PKIB: variants seen among roughly 807,000 people sequenced by gnomAD.
PKIB encodes the protein cAMP-dependent protein kinase inhibitor beta, also known as PKI-beta.
PKIB carries 2 observed loss-of-function variants against 4.5 expected under a neutral mutation model. The ratio of observed to expected loss-of-function variants is 0.44; its 90% CI spans 0.18 to 1.39. PKIB has a LOEUF of 1.39. PKIB is among the 40% of genes most tolerant of loss of function. PKIB has a pLI of 0.27. For synonymous variants in PKIB, 38 were observed against 36.0 expected (o/e 1.06, Z -0.20); for missense variants, 94 against 92.6 (o/e 1.02, Z -0.06).
At chr6:122,542,521 A>C (rs529066252) in intron 2 of PKIB, among the ~76,000 whole-genome samples, 9 of 152,006 alleles carry the variant, frequency 5.9e-5, no homozygotes, top group Non-Finnish European at 8.8e-5. Flanking sequence ...TGCGGTGACT[A>C]TAGAACAGTG....
At chr6:122,609,109 C>T (rs553059073), upstream of PKIB, among the ~76,000 whole-genome samples, 48 of 152,210 alleles carry the variant, frequency 3.2e-4, no homozygotes, top group Non-Finnish European at 3.4e-4. Context: ...TTTTATTAGG[C>T]GGGTGCAGAA....
At chr6:122,568,356 C>T (rs1470986437) in intron 2 of PKIB, among the ~76,000 whole-genome samples, 1 of 152,124 alleles carries the variant, frequency 6.6e-6, no homozygotes, top group African/African-American at 2.4e-5. Flanking sequence ...AAGTGACAGG[C>T]TGAAGCCTAC....
intron 3 of PKIB, among the ~76,000 whole-genome samples, chr6:122,706,947 T>G (rs1254627278): frequency 6.6e-6 from 1 of 152,106 alleles, no homozygotes; most frequent in Non-Finnish European, 1.5e-5. Context: ...GTTTTAAAAT[T>G]TTGAAAATTT....
At chr6:122,717,708 A>C in intron 3 of PKIB, 79 bp from the exon 4 acceptor site, 2 of 1,390,540 alleles carry the variant, frequency 1.4e-6, no homozygotes, top group Admixed American at 3.5e-5. Flanking sequence ...TTTTTGATCT[A>C]GCCATGCCTT....
At chr6:122,539,520 C>T (rs1347782547) in intron 2 of PKIB, among the ~76,000 whole-genome samples, 1 of 152,024 alleles carries the variant, frequency 6.6e-6, no homozygotes, top group East Asian at 1.9e-4. Flanking sequence ...CCTTGCATCC[C>T]AGGGATGAAG....
intron 2 of PKIB, among the ~76,000 whole-genome samples, chr6:122,534,164 A>G (rs1335262780): frequency 6.7e-6 from 1 of 148,414 alleles, no homozygotes; most frequent in Non-Finnish European, 1.5e-5. Context: ...TAATATATAT[A>G]ATACTAACAT....
chr6:122,537,867 A>G (rs1055084395), intron 2 of PKIB, among the ~76,000 whole-genome samples: 5 of 151,852 alleles, frequency 3.3e-5, no homozygotes, highest in African/African-American at 1.2e-4. Flanking sequence ...AATGATCGCC[A>G]TTCTAACTGG....
At position 122,491,911 on chromosome 6, in the gene PKIB, C is replaced by A. The variant is rs550733881; in HGVS notation, c.-248+13972C>A. Among the ~76,000 whole-genome samples the A allele has an allele frequency of 2.0e-5, 3 of 152,266 alleles. No homozygotes were observed. The South Asian group carries it at 6.2e-4, about 32-fold the overall frequency. On this transcript the variant is annotated intron_variant, in intron 2 of 6. Coordinates refer to the PKIB transcript ENST00000392491. Reference sequence around the variant, plus strand: ...GGTAAAAATAAATATGTTGTTTTTACAGTCAGCAAATTTTCTTTAGTTATA... The same window carrying A: ...GGTAAAAATAAATATGTTGTTTTTAAAGTCAGCAAATTTTCTTTAGTTATA...
chr6:122,713,564 A>G (rs575841836), intron 3 of PKIB, among the ~76,000 whole-genome samples: 2 of 152,320 alleles, frequency 1.3e-5, no homozygotes, highest in East Asian at 3.9e-4. Context: ...TCGGTGTTGT[A>G]TAGAAAACTA....
At chr6:122,682,437 T>TA (rs1372474384) in intron 3 of PKIB, among the ~76,000 whole-genome samples, 1 of 152,138 alleles carries the variant, frequency 6.6e-6, no homozygotes, top group Admixed American at 6.5e-5. Flanking sequence ...GATTATTTTA[T>TA]AAAAAATAAT....
At chr6:122,488,931 C>T (rs992132310) in intron 2 of PKIB, among the ~76,000 whole-genome samples, 3 of 152,164 alleles carry the variant, frequency 2.0e-5, no homozygotes, top group African/African-American at 7.2e-5. Context: ...CCACAGGGAT[C>T]ATTCTGGCCA....
intron 2 of PKIB, among the ~76,000 whole-genome samples, chr6:122,540,970 T>C (rs1582686330): frequency 1.3e-5 from 2 of 150,334 alleles, no homozygotes; most frequent in South Asian, 4.3e-4. Flanking sequence ...TTTGTTGGTT[T>C]AAAGTCTGTT....
chr6:122,620,937 GA>G (rs1454009221), intron 1 of PKIB, among the ~76,000 whole-genome samples: 15 of 152,188 alleles, frequency 9.9e-5, no homozygotes, highest in African/African-American at 3.1e-4. Flanking sequence ...TATCTTCCCT[GA>G]GACCAGATCC....
At chr6:122,716,505 C>G (rs1562317591) in intron 3 of PKIB, among the ~76,000 whole-genome samples, 1 of 152,106 alleles carries the variant, frequency 6.6e-6, no homozygotes, top group Non-Finnish European at 1.5e-5. Flanking sequence ...TCCCATGATT[C>G]CTGGAAAGAC....
At chr6:122,684,495 C>A (rs946512548) in intron 3 of PKIB, among the ~76,000 whole-genome samples, 3 of 152,082 alleles carry the variant, frequency 2.0e-5, no homozygotes, top group Admixed American at 2.0e-4. Flanking sequence ...TTTACCTTTA[C>A]AAATCACACC....
At chr6:122,710,974 T>C (rs929506718) in intron 3 of PKIB, among the ~76,000 whole-genome samples, 10 of 152,216 alleles carry the variant, frequency 6.6e-5, no homozygotes, top group Non-Finnish European at 2.9e-5. Context: ...AAATCCGTGC[T>C]AAATCCTCTC....
At chr6:122,704,885 T>C (rs954119630) in intron 3 of PKIB, among the ~76,000 whole-genome samples, 13 of 152,046 alleles carry the variant, frequency 8.6e-5, no homozygotes, top group Non-Finnish European at 1.6e-4. Context: ...AGACCATCCT[T>C]CAACTCTACA....
intron 2 of PKIB, among the ~76,000 whole-genome samples, chr6:122,532,165 C>T (rs1777277810): frequency 6.6e-6 from 1 of 152,112 alleles, no homozygotes; most frequent in Admixed American, 6.6e-5. Context: ...TTGCAGATAA[C>T]AATTAACTAA....
intron 2 of PKIB, among the ~76,000 whole-genome samples, chr6:122,669,876 G>T (rs909395058): frequency 1.3e-5 from 2 of 152,048 alleles, no homozygotes; most frequent in African/African-American, 2.4e-5. Flanking sequence ...ATATATATTA[G>T]TTTCCGACAT....
Sources: gnomAD v4.1 joint callset for allele counts (sites outside exome capture counted in the v4.1 genomes callset) on GRCh38, gnomAD v4.1.1 for gene constraint, MANE v1.5 for transcripts, NCBI Gene and HGNC (gene_info 2026-07-23, HGNC 2026-07-21) for gene names.